TENM3: variants seen among roughly 807,000 people sequenced by gnomAD.
TENM3 encodes teneurin transmembrane protein 3.
Under a neutral mutation model 255.1 loss-of-function variants are expected in TENM3, and 63 were observed. The observed-to-expected ratio is 0.25, with a 90% CI of 0.20 to 0.30. The LOEUF (loss-of-function observed/expected upper bound fraction) is 0.30, where lower values mean the gene tolerates loss of function less well. TENM3 is among the 10% of genes least tolerant of loss of function. The probability of loss-of-function intolerance (pLI) is 1.00; values close to 1 mark genes in which losing one functional copy is unlikely to be tolerated. For missense variants in TENM3, 2,929 were observed against 3,461.1 expected (o/e 0.85, Z 3.86); for synonymous variants, 1,306 against 1,322.3 (o/e 0.99, Z 0.27).
the TENM3 span, among the ~76,000 whole-genome samples, chr4:181,506,809 TG>T: frequency 1.3e-5 from 2 of 151,856 alleles, no homozygotes; most frequent in African/African-American, 4.8e-5. Flanking sequence ...TTACTCTTTC[TG>T]AGAACTGTTA....
chr4:182,494,648 A>G (rs1450751451), intron 3 of TENM3, among the ~76,000 whole-genome samples: 1 of 152,158 alleles, frequency 6.6e-6, no homozygotes, highest in African/African-American at 2.4e-5. Context: ...CATTCCCTTG[A>G]AATAATTTTG....
chr4:182,781,223 T>C (rs1208522385), intron 24 of TENM3, among the ~76,000 whole-genome samples: 136 of 150,834 alleles, frequency 9.0e-4, no homozygotes, highest in African/African-American at 3.1e-3. Flanking sequence ...TATTTTGAGA[T>C]ACGTCCCATC....
chr4:181,510,293 C>G, the TENM3 span, among the ~76,000 whole-genome samples: 1 of 152,172 alleles, frequency 6.6e-6, no homozygotes, highest in South Asian at 2.1e-4. Context: ...AGTCAGAAAA[C>G]TGACCATTCG....
the TENM3 span, among the ~76,000 whole-genome samples, chr4:181,805,249 G>C: frequency 6.6e-6 from 1 of 151,834 alleles, no homozygotes; most frequent in Non-Finnish European, 1.5e-5. Flanking sequence ...TAACCTTCAC[G>C]CAAAACCGTT....
intron 3 of TENM3, among the ~76,000 whole-genome samples, chr4:182,409,828 CT>C (rs57478182): frequency 0.011 from 1,605 of 143,440 alleles, 22 homozygotes; most frequent in African/African-American, 0.032. Flanking sequence ...TTTCTTTTTT[CT>C]TTTTTTTTTT....
intron 1 of TENM3, among the ~76,000 whole-genome samples, chr4:182,151,521 GC>G (rs1316286429): frequency 6.6e-6 from 1 of 152,024 alleles, no homozygotes; most frequent in Non-Finnish European, 1.5e-5. Flanking sequence ...CACAGAGCTT[GC>G]CATTTGAAAT....
At chr4:182,755,713 G>A (rs921017201) in intron 22 of TENM3, among the ~76,000 whole-genome samples, 30 of 151,972 alleles carry the variant, frequency 2.0e-4, no homozygotes, top group African/African-American at 5.1e-4. Context: ...GGTGGCGGGC[G>A]CCTGTAGTCC....
intron 3 of TENM3, among the ~76,000 whole-genome samples, chr4:182,494,408 A>G (rs1201710353): frequency 6.6e-6 from 1 of 152,142 alleles, no homozygotes; most frequent in Non-Finnish European, 1.5e-5. Flanking sequence ...TACTGTTATA[A>G]TTGTTCTATT....
At chr4:181,961,922 T>A in the TENM3 span, among the ~76,000 whole-genome samples, 474 of 148,702 alleles carry the variant, frequency 3.2e-3, 5 homozygotes, top group African/African-American at 0.011. Context: ...AAGATAAAAT[T>A]TAAATTTTAA....
chr4:182,443,353 C>T (rs1772653862), intron 3 of TENM3, among the ~76,000 whole-genome samples: 1 of 152,146 alleles, frequency 6.6e-6, no homozygotes, highest in Admixed American at 6.5e-5. Flanking sequence ...CTAGCTTGGC[C>T]ACTCCTGTCC....
At chr4:182,017,569 T>C in the TENM3 span, among the ~76,000 whole-genome samples, 1 of 152,186 alleles carries the variant, frequency 6.6e-6, no homozygotes, top group Non-Finnish European at 1.5e-5. Context: ...TGTGTTAACA[T>C]TATGAAATAC....
chr4:182,486,315 T>G (rs866445218), intron 3 of TENM3, among the ~76,000 whole-genome samples: 4,343 of 111,140 alleles, frequency 0.039, 76 homozygotes, highest in Middle Eastern at 0.058. Context: ...TAATTGTGTG[T>G]GGGGGGGAGG....
At chr4:182,519,486 G>C (rs1008795111) in intron 3 of TENM3, among the ~76,000 whole-genome samples, 7 of 152,082 alleles carry the variant, frequency 4.6e-5, no homozygotes, top group African/African-American at 1.7e-4. Flanking sequence ...CCTCTCCACA[G>C]TTTATTTCAG....
At chr4:181,945,971 C>T in the TENM3 span, among the ~76,000 whole-genome samples, 5 of 152,202 alleles carry the variant, frequency 3.3e-5, no homozygotes, top group African/African-American at 1.2e-4. Context: ...TTAAACTTTA[C>T]ATATACAAAT....
the TENM3 span, among the ~76,000 whole-genome samples, chr4:181,585,366 G>A: frequency 6.6e-6 from 1 of 152,236 alleles, no homozygotes; most frequent in Middle Eastern, 3.4e-3. Flanking sequence ...GCAGCCTGAA[G>A]CTTTTGACAT....
intron 4 of TENM3, among the ~76,000 whole-genome samples, chr4:182,615,651 A>G (rs1392171755): frequency 6.6e-6 from 1 of 152,132 alleles, no homozygotes; most frequent in African/African-American, 2.4e-5. Flanking sequence ...ACATTAGCGT[A>G]AGGGAACTGA....
chr4:182,215,304 G>T (rs945107916), intron 1 of TENM3, among the ~76,000 whole-genome samples: 2 of 152,178 alleles, frequency 1.3e-5, no homozygotes, highest in Non-Finnish European at 2.9e-5. Context: ...AAGAAAAGAT[G>T]ACGCCTCCAG....
chr4:181,871,866 G>A, the TENM3 span, among the ~76,000 whole-genome samples: 1 of 151,960 alleles, frequency 6.6e-6, no homozygotes, highest in African/African-American at 2.4e-5. Flanking sequence ...GAATTAAATT[G>A]ATTTTTTAAG....
chr4:182,246,253 G>A (rs1463632805), intron 1 of TENM3, among the ~76,000 whole-genome samples: 2 of 152,130 alleles, frequency 1.3e-5, no homozygotes, highest in Non-Finnish European at 2.9e-5. Context: ...CAGCCCCAAG[G>A]CATAGGGGAA....
Sources: allele counts gnomAD v4.1 joint callset (sites outside exome capture counted in the v4.1 genomes callset), GRCh38; gene constraint gnomAD v4.1.1; transcripts MANE v1.5; gene names NCBI Gene and HGNC (gene_info 2026-07-23, HGNC 2026-07-21).